The following DBT variants were observed in gnomAD, a reference collection of about 807,000 sequenced individuals.
DBT encodes the protein lipoamide acyltransferase component of branched-chain alpha-keto acid dehydrogenase complex, mitochondrial.
A neutral mutation model predicts 51.3 loss-of-function variants in DBT; 40 were observed. That is an observed-to-expected ratio of 0.78 (90% CI 0.61 to 1.02). The LOEUF is 1.02. DBT is among the 50% of genes least tolerant of loss of function. DBT has a pLI of 0.00. For synonymous variants in DBT, 181 were observed against 190.4 expected (o/e 0.95, Z 0.41); for missense variants, 510 against 580.2 (o/e 0.88, Z 1.24).
At chr1:100,220,244 G>A (rs1266940283) in intron 4 of DBT, among the ~76,000 whole-genome samples, 1 of 150,276 alleles carries the variant, frequency 6.7e-6, no homozygotes, top group East Asian at 2.0e-4. Flanking sequence ...AACTATCTCA[G>A]GCTACTAGCA....
rs1662473089 is a variant in DBT at position 100,216,172 on chromosome 1, C to G, written c.583G>C (p.Gly195Arg). 6.2e-7 allele frequency: 1 copy of G among 1,613,720 alleles called. No individual in the cohort carries two copies. Among genetic ancestry groups the G allele is most frequent in the Non-Finnish European group, 8.5e-7 (1 of 1,179,738 alleles). ...TCTTTAAGTATTCTGCCATCTTTTC[C>G]TGAGCCAACAACTTCACTCAGCTTA... ...NIKLSEVVGSGKDGRILKEDI... is the reference protein window; with the variant it reads ...NIKLSEVVGSRKDGRILKEDI... Residue 195 changes from glycine to arginine, a missense_variant, in exon 6 of 11, where the codon GGA (glycine) becomes CGA (arginine). Coordinates refer to ENST00000370132, the MANE Select transcript of DBT (RefSeq NM_001918.5).
intron 8 of DBT, among the ~76,000 whole-genome samples, chr1:100,209,225 A>C (rs1292441485): frequency 6.6e-6 from 1 of 151,228 alleles, no homozygotes; most frequent in Admixed American, 6.6e-5. Context: ...CAGCCTCCCA[A>C]GCAGCTAAAA....
chr1:100,213,208 C>T lies in DBT; in HGVS notation c.939+1609G>A, dbSNP rs954558435. The T allele has an allele frequency of 6.6e-6, 4 of 606,942 alleles. 1 individual carries two copies. Among genetic ancestry groups the T allele is most frequent in the South Asian group, 7.1e-5 (2 of 28,234 alleles). The allele number at this position is 606,942 out of a possible 1,614,324, so 37.6% of individuals were successfully genotyped here. The stretch of plus-strand genomic sequence containing the variant: ...GAGAATTAAGAGATAATGGGCCCTG[C>T]CCCGCGTCTGCCTCAGAGGGGCCCG... On this transcript the variant is annotated intron_variant, in intron 7 of 10. Coordinates refer to ENST00000370132, the MANE Select transcript of DBT (RefSeq NM_001918.5).
chr1:100,249,244 T>C (rs1374123395), intron 1 of DBT: 1 of 243,046 alleles, frequency 4.1e-6, no homozygotes, highest in Non-Finnish European at 7.3e-6. Context: ...GACAAAAGGG[T>C]AGGAATGATA....
chr1:100,201,743 C>T (rs1661447255), intron 10 of DBT, among the ~76,000 whole-genome samples: 1 of 152,040 alleles, frequency 6.6e-6, no homozygotes, highest in African/African-American at 2.4e-5. Flanking sequence ...AGTGTGGGGG[C>T]CAATATTGAA....
intron 7 of DBT, among the ~76,000 whole-genome samples, chr1:100,211,626 C>G (rs1490322481): frequency 6.6e-6 from 1 of 152,132 alleles, no homozygotes; most frequent in Admixed American, 6.5e-5. Context: ...AAATCAAATT[C>G]TTGAACTAGA....
chr1:100,206,072 T>TAAAAAAA (rs35150096), intron 10 of DBT, among the ~76,000 whole-genome samples, 158 bp downstream of exon 10: 2 of 124,846 alleles, frequency 1.6e-5, no homozygotes, highest in Non-Finnish European at 1.7e-5. Context: ...AACTTAAAGT[T>TAAAAAAA]AAAAAAAAAA....
intron 5 of DBT, among the ~76,000 whole-genome samples, 154 bp downstream of exon 5, chr1:100,218,468 CATGT>C (rs1354983739): frequency 1.3e-5 from 2 of 152,178 alleles, no homozygotes; most frequent in Non-Finnish European, 2.9e-5. Flanking sequence ...TCATTTCTCC[CATGT>C]ATTTTTATGC....
chr1:100,196,539 C>T (rs929963321), intron 10 of DBT, 117 bp from the exon 11 acceptor site: 96 of 1,042,616 alleles, frequency 9.2e-5, no homozygotes, highest in Non-Finnish European at 1.2e-4. Context: ...TCTTCCTGTA[C>T]AGTACAGAAA....
chr1:100,196,704 A>T, intron 10 of DBT: 1 of 442,906 alleles, frequency 2.3e-6, no homozygotes, highest in South Asian at 2.9e-5. Flanking sequence ...CAGATTTCAA[A>T]TATTTAATAA....
chr1:100,226,490 G>GCCCAGGCTAGTCTCAAGCT (rs960356704), intron 4 of DBT, among the ~76,000 whole-genome samples: 6 of 151,810 alleles, frequency 4.0e-5, no homozygotes, highest in African/African-American at 1.5e-4. Flanking sequence ...TCGTTATGTT[G>GCCCAGGCTAGTCTCAAGCT]CCCAGGCTAG....
At chr1:100,222,833 C>A (rs1662932879) in intron 4 of DBT, among the ~76,000 whole-genome samples, 1 of 152,156 alleles carries the variant, frequency 6.6e-6, no homozygotes, top group African/African-American at 2.4e-5. Flanking sequence ...ATCCTGGCAA[C>A]TTCATCTTAA....
intron 1 of DBT, 96 bp from the exon 2 acceptor site, chr1:100,240,980 GA>G: frequency 8.3e-7 from 1 of 1,201,864 alleles, no homozygotes. Context: ...TCTAAAAGTA[GA>G]ACCATTGTCA....
At chr1:100,229,683 C>T (rs978760242) in intron 4 of DBT, among the ~76,000 whole-genome samples, 9 of 152,174 alleles carry the variant, frequency 5.9e-5, no homozygotes, top group African/African-American at 2.2e-4. Context: ...TTTATCTCAG[C>T]ACTTCCAAGG....
At chr1:100,244,573 T>C (rs1664425488) in intron 1 of DBT, among the ~76,000 whole-genome samples, 1 of 152,198 alleles carries the variant, frequency 6.6e-6, no homozygotes, top group Admixed American at 6.5e-5. Context: ...TTATGTGCAG[T>C]GGACACGTTC....
rs1461253002 is a variant in DBT, at chr1:100,187,377, C to T, written c.*8878G>A. 1 of 152,168 alleles carries T rather than the reference C, an allele frequency of 6.6e-6. No homozygotes were observed. The highest frequency in any genetic ancestry group is 2.4e-5 in the African/African-American group (1 of 41,444). The allele number at this position is 152,168 out of a possible 1,614,324, so 9.4% of individuals were successfully genotyped here. A position where few individuals can be genotyped will look rare whatever the true frequency, so the allele number is the denominator to read the frequency against. The stretch of plus-strand genomic sequence containing the variant: ...GCATAGCAAATTAAAAAGATATGCT[C>T]ATCCCACTTTTATTTTTATGCACTA... On this transcript the variant is annotated 3_prime_UTR_variant, in exon 11 of 11. Coordinates refer to ENST00000370132, the MANE Select transcript of DBT (RefSeq NM_001918.5).
intron 4 of DBT, among the ~76,000 whole-genome samples, chr1:100,222,238 T>C (rs1662890961): frequency 1.3e-5 from 2 of 152,244 alleles, no homozygotes; most frequent in Admixed American, 6.5e-5. Context: ...GATGGTACAC[T>C]ACATTATTGG....
At chr1:100,225,042 A>ATGT (rs1334781885) in intron 4 of DBT, among the ~76,000 whole-genome samples, 1 of 45,630 alleles carries the variant, frequency 2.2e-5, no homozygotes, top group Non-Finnish European at 4.7e-5. Context: ...AAAAAAAAAA[A>ATGT]ATATATATAT....
chr1:100,241,886 T>C (rs555965737), intron 1 of DBT, among the ~76,000 whole-genome samples: 47 of 152,138 alleles, frequency 3.1e-4, no homozygotes, highest in African/African-American at 1.1e-3. Context: ...CTGGGCTTGG[T>C]GGCATGCGCC....
Sources: allele counts gnomAD v4.1 joint callset (sites outside exome capture counted in the v4.1 genomes callset), GRCh38; gene constraint gnomAD v4.1.1; transcripts MANE v1.5; gene names NCBI Gene and HGNC (gene_info 2026-07-23, HGNC 2026-07-21).